The following KIF3B variants were observed in gnomAD, a reference collection of about 807,000 sequenced individuals.
The protein encoded by KIF3B is kinesin family member 3B, also known as kinesin-like protein KIF3B.
Under a neutral mutation model 74.3 loss-of-function variants are expected in KIF3B, and 38 were observed. The ratio of observed to expected loss-of-function variants is 0.51; its 90% confidence interval spans 0.39 to 0.67. The LOEUF is 0.67. Among genes scored for constraint, KIF3B ranks in the 30% least tolerant of loss-of-function variants. The probability of loss-of-function intolerance (pLI) is 0.00; values close to 1 mark genes in which losing one functional copy is unlikely to be tolerated. For missense variants in KIF3B, 649 were observed against 932.0 expected, an observed-to-expected ratio of 0.70 and a Z score of 3.95; for synonymous variants, 326 against 342.5, an observed-to-expected ratio of 0.95 and a Z score of 0.53.
chr20:32,290,240 G>A (rs571280625), intron 1 of KIF3B, among the ~76,000 whole-genome samples: 4 of 152,094 alleles, frequency 2.6e-5, no homozygotes, highest in South Asian at 2.1e-4. Flanking sequence ...AAAGTTAGCC[G>A]TGCGTGGTGG....
At chr20:32,305,592 TTG>T (rs1472160756) in intron 1 of KIF3B, among the ~76,000 whole-genome samples, 7 of 88,508 alleles carry the variant, frequency 7.9e-5, no homozygotes, top group African/African-American at 2.4e-4. Context: ...TTTTTTTTTT[TTG>T]TGTGTGTAGA....
At chr20:32,330,374 C>A in intron 8 of KIF3B, 55 bp downstream of exon 8, 1 of 1,504,304 alleles carries the variant, frequency 6.6e-7, no homozygotes, top group Non-Finnish European at 9.1e-7. Context: ...CAAGGACAAA[C>A]CAAAGCAAGA....
chr20:32,280,017 G>T (rs1044472285), intron 1 of KIF3B, among the ~76,000 whole-genome samples: 1 of 152,154 alleles, frequency 6.6e-6, no homozygotes, highest in African/African-American at 2.4e-5. Flanking sequence ...GGACTTTTTG[G>T]TAAGGGGCTC....
chr20:32,321,664 T>G (rs1286630959), intron 5 of KIF3B, among the ~76,000 whole-genome samples: 1 of 152,138 alleles, frequency 6.6e-6, no homozygotes, highest in Non-Finnish European at 1.5e-5. Context: ...CAAACATACT[T>G]TGTTTTACTG....
Position 32,310,301 on chromosome 20 carries a change from A to G in KIF3B, c.524A>G (p.Tyr175Cys). The G allele has an allele frequency of 2.5e-6, 4 of 1,613,954 alleles. No homozygotes were observed. Among genetic ancestry groups the G allele is most frequent in the South Asian group, 1.1e-5 (1 of 91,074 alleles). ...ELKERPDTGV[Y>C]VKDLSSFVTK... is the part of the protein sequence containing the mutation. The stretch of plus-strand genomic sequence containing the variant: ...AAAGAGAGGCCTGACACAGGAGTGT[A>G]TGTGAAAGACCTGTCTTCCTTTGTC... Residue 175 changes from tyrosine to cysteine, a missense_variant, in exon 2 of 9, where the codon TAT (tyrosine) becomes TGT (cysteine). This residue lies in a region of KIF3B where 363 missense variants were observed against 592.8 expected (regional missense o/e 0.61). Transcript: ENST00000375712. The surrounding 1 kb of genome is among the most constrained non-coding windows in gnomAD (Gnocchi z 6.5).
chr20:32,303,504 G>A lies in KIF3B; in HGVS notation c.-65-6209G>A, dbSNP rs542933426. ...TGCTTGAACCCGGGAGACACAGGTTGCAGTGGGCCGAGATCATGCCACTGT... is the reference window on the plus strand; with the variant it reads ...TGCTTGAACCCGGGAGACACAGGTTACAGTGGGCCGAGATCATGCCACTGT... On this transcript the variant is annotated intron_variant, in intron 1 of 8. Transcript: ENST00000375712. Among the ~76,000 whole-genome samples, 84 of 151,796 alleles carry A rather than the reference G, an allele frequency of 5.5e-4. No individual in the cohort carries two copies. The South Asian group carries it at 9.2e-3, about 17-fold the overall frequency.
intron 1 of KIF3B, among the ~76,000 whole-genome samples, chr20:32,280,253 G>T (rs932224416): frequency 3.3e-5 from 5 of 152,144 alleles, no homozygotes; most frequent in African/African-American, 9.7e-5. Flanking sequence ...TATTTTCCGT[G>T]TATGGTTGGT....
chr20:32,296,835 A>T (rs1448472299), intron 1 of KIF3B, among the ~76,000 whole-genome samples: 1 of 152,120 alleles, frequency 6.6e-6, no homozygotes, highest in Non-Finnish European at 1.5e-5. Flanking sequence ...CCCAAGATGG[A>T]TAATCTTGTT....
chr20:32,323,392 T>A (rs929916991), intron 5 of KIF3B, among the ~76,000 whole-genome samples: 1 of 151,288 alleles, frequency 6.6e-6, no homozygotes, highest in Non-Finnish European at 1.5e-5. Flanking sequence ...ATTCTTTTTA[T>A]TTTTTATTTT....
At position 32,333,632 on chromosome 20, in the gene KIF3B, C is replaced by CAAAAAAAAAAAAAAAAAAAAAAAAAAA. The variant is rs71187110; in HGVS notation, c.*2339_*2340insAAAAAAAAAAAAAAAAAAAAAAAAAAA. On this transcript the variant is annotated 3_prime_UTR_variant, in exon 9 of 9. Coordinates refer to ENST00000375712, the MANE Select transcript of KIF3B (RefSeq NM_004798.4). ...TGGGTGACAGAGTGAGACTCCCCCT[C>CAAAAAAAAAAAAAAAAAAAAAAAAAAA]AAAAAAAAAAAAAAAAAAAAAAAAA... 5.9e-5 allele frequency: 2 copies of CAAAAAAAAAAAAAAAAAAAAAAAAAAA among 33,802 alleles called. 1 individual carries two copies. The highest frequency in any genetic ancestry group is 1.8e-4 in the African/African-American group (2 of 11,056). The allele number at this position is 33,802 out of a possible 1,614,324, so 2.1% of individuals were successfully genotyped here.
intron 5 of KIF3B, 109 bp from the exon 6 acceptor site, chr20:32,326,662 T>G (rs867467042): frequency 1.2e-5 from 8 of 640,400 alleles, no homozygotes; most frequent in Non-Finnish European, 2.3e-5. Flanking sequence ...AGTAAATGTT[T>G]GCTATGTGCC....
At chr20:32,291,587 A>G (rs2047691463) in intron 1 of KIF3B, among the ~76,000 whole-genome samples, 1 of 151,258 alleles carries the variant, frequency 6.6e-6, no homozygotes. Context: ...TCTCATATCC[A>G]GTGTTCCAAT....
intron 5 of KIF3B, among the ~76,000 whole-genome samples, chr20:32,320,648 T>A (rs548558170): frequency 2.0e-5 from 3 of 151,978 alleles, no homozygotes; most frequent in Non-Finnish European, 4.4e-5. Context: ...CCTGAGTTGC[T>A]AGGACTTCAG....
chr20:32,278,947 A>G (rs1600412076), intron 1 of KIF3B, among the ~76,000 whole-genome samples: 1 of 119,892 alleles, frequency 8.3e-6, no homozygotes, highest in African/African-American at 2.9e-5. Flanking sequence ...TTTTTGAGAC[A>G]GAGTCTTAGT....
Position 32,289,592 on chromosome 20 carries a change from CATT to C in KIF3B, c.-66+11828_-66+11830del, listed in dbSNP as rs201931647. ...ACAGTATTTAGCTAGAATTTAGTAA[CATT>C]GTTGTCTGTTCTTATATTTATTTTC... On this transcript the variant is annotated intron_variant, in intron 1 of 8. Transcript: ENST00000375712. Among the ~76,000 whole-genome samples the C allele has an allele frequency of 6.9e-3, 1,054 of 152,310 alleles. 6 individuals carry two copies. The highest frequency in any genetic ancestry group is 9.8e-3 in the Non-Finnish European group (664 of 68,022).
chr20:32,326,830 C>G lies in KIF3B; in HGVS notation c.1808C>G (p.Ala603Gly), dbSNP rs1302315082. The change falls in exon 6 of 9, where the codon GCC (alanine) becomes GGC (glycine). Residue 603 changes from alanine (A) to glycine (G), a missense_variant. Ala to Gly is a moderately conservative substitution (Grantham distance 60). Transcript: ENST00000375712. ...LEEKSKIMNRAFFDEEEDHWK... is the reference protein window; with the variant it reads ...LEEKSKIMNRGFFDEEEDHWK... ...GAAAAAAGTAAAATTATGAATAGAG[C>G]CTTCTTTGATGAAGAGGAAGATCAT... is the stretch of plus-strand genomic sequence containing the variant. 6.3e-7 allele frequency: 1 copy of G among 1,594,538 alleles called. No homozygotes were observed. The highest frequency in any genetic ancestry group is 8.6e-7 in the Non-Finnish European group (1 of 1,164,588).
chr20:32,283,358 G>A (rs1265366458), intron 1 of KIF3B, among the ~76,000 whole-genome samples: 1 of 152,032 alleles, frequency 6.6e-6, no homozygotes, highest in African/African-American at 2.4e-5. Flanking sequence ...ACAAAAATTA[G>A]CTGGGCGTGG....
At chr20:32,295,945 A>G (rs1174491503) in intron 1 of KIF3B, among the ~76,000 whole-genome samples, 1 of 147,014 alleles carries the variant, frequency 6.8e-6, no homozygotes, top group East Asian at 2.0e-4. Context: ...GCTCACTGCA[A>G]CCTCTGCCTC....
intron 5 of KIF3B, among the ~76,000 whole-genome samples, chr20:32,319,273 TG>T (rs1178566424): frequency 6.6e-6 from 1 of 152,008 alleles, no homozygotes; most frequent in Non-Finnish European, 1.5e-5. Flanking sequence ...TCCACATCCT[TG>T]TCGACACTTG....
Sources: allele counts gnomAD v4.1 joint callset (sites outside exome capture counted in the v4.1 genomes callset), GRCh38; gene constraint gnomAD v4.1.1; regional missense constraint gnomAD v4.1.1; non-coding constraint Gnocchi (gnomAD v3.1); transcripts MANE v1.5; gene names NCBI Gene and HGNC (gene_info 2026-07-23, HGNC 2026-07-21).